MEOX2: variants seen among roughly 807,000 people sequenced by gnomAD.
MEOX2 encodes the protein homeobox protein MOX-2.
In MEOX2, 11 loss-of-function variants were observed where a neutral mutation model predicts 27.0. The ratio of observed to expected loss-of-function variants is 0.41; its 90% CI spans 0.26 to 0.68. The LOEUF is 0.68. Ranked by LOEUF, MEOX2 falls within the 30% of genes least tolerant of loss-of-function variation. MEOX2 has a pLI of 0.33. For synonymous variants in MEOX2, 189 were observed against 155.4 expected (o/e 1.22, Z -1.61); for missense variants, 436 against 385.4 (o/e 1.13, Z -1.10).
chr7:15,626,845 C>T lies in MEOX2; in HGVS notation c.591G>A (p.Glu197=), dbSNP rs756240195. The part of the protein sequence containing the change: ...PRKERTAFTK[E]QIRELEAEFA... ...ATTCTGCTTCAAGTTCTCTGATTTG[C>T]TCTTTGGTAAATGCTGTCCTTTCTT... Residue 197 remains glutamate, a synonymous_variant, in exon 2 of 3, where the codon GAG becomes GAA. Transcript: ENST00000262041. 6.8e-6 allele frequency: 11 copies of T among 1,611,620 alleles called. No homozygotes were observed. In the East Asian group the frequency reaches 2.2e-4, roughly 33 times the overall value.
chr7:15,665,721 G>C (rs964756641), intron 1 of MEOX2, among the ~76,000 whole-genome samples: 1 of 152,134 alleles, frequency 6.6e-6, no homozygotes, highest in African/African-American at 2.4e-5. Flanking sequence ...TTCAGATCAA[G>C]TGGACATCAG....
intron 1 of MEOX2, among the ~76,000 whole-genome samples, chr7:15,631,408 T>C (rs1781399250): frequency 6.6e-6 from 1 of 151,896 alleles, no homozygotes; most frequent in Non-Finnish European, 1.5e-5. Context: ...GATAGATTAT[T>C]TTTTATTATA....
intron 1 of MEOX2, among the ~76,000 whole-genome samples, chr7:15,637,671 C>T (rs1178056621): frequency 6.6e-6 from 1 of 151,988 alleles, no homozygotes; most frequent in Non-Finnish European, 1.5e-5. Flanking sequence ...ATAATTATAG[C>T]TCTATAACTT....
chr7:15,622,524 T>G (rs17168915), intron 2 of MEOX2, among the ~76,000 whole-genome samples: 8,254 of 152,192 alleles, frequency 0.054, 328 homozygotes, highest in African/African-American at 0.12. Context: ...CCTTGGTGTA[T>G]ATGTTTATTT....
intron 1 of MEOX2, among the ~76,000 whole-genome samples, chr7:15,676,653 T>C (rs779725150): frequency 1.3e-5 from 2 of 151,944 alleles, no homozygotes; most frequent in African/African-American, 2.4e-5. Flanking sequence ...GGCAGATCAC[T>C]TGAGGTAGGT....
chr7:15,686,280 G>A lies in MEOX2; in HGVS notation c.123C>T (p.Leu41=), dbSNP rs1234106461. ...GRSDHMSYPE[L]STSSSSCIIA... Reference sequence around the variant, plus strand: ...TTATGCAAGATGAGGAAGAAGTAGAGAGCTCGGGGTAAGACATATGGTCAG... The same window carrying A: ...TTATGCAAGATGAGGAAGAAGTAGAAAGCTCGGGGTAAGACATATGGTCAG... The change falls in exon 1 of 3, where the codon CTC becomes CTT. Residue 41 remains leucine, a synonymous_variant. Transcript: ENST00000262041. 2 of 1,612,690 alleles carry A rather than the reference G, an allele frequency of 1.2e-6. No homozygotes were observed.
At chr7:15,663,679 A>AT (rs2115385515) in intron 1 of MEOX2, among the ~76,000 whole-genome samples, 1 of 152,266 alleles carries the variant, frequency 6.6e-6, no homozygotes, top group South Asian at 2.1e-4. Flanking sequence ...CACTAAACTT[A>AT]TTTTTTGAAA....
At chr7:15,679,519 A>C (rs2115396649) in intron 1 of MEOX2, 1 of 152,224 alleles carries the variant, frequency 6.6e-6, no homozygotes, top group Non-Finnish European at 1.5e-5. Context: ...TGATTCTACA[A>C]AATTTTGAAG....
intron 1 of MEOX2, among the ~76,000 whole-genome samples, chr7:15,648,219 A>G (rs1781679643): frequency 6.6e-6 from 1 of 152,146 alleles, no homozygotes; most frequent in Admixed American, 6.6e-5. Flanking sequence ...TATGAACAGC[A>G]TGAATAAATA....
chr7:15,686,637 T>A lies in MEOX2; in HGVS notation c.-235A>T. 1 of 533,834 alleles carries A rather than the reference T, an allele frequency of 1.9e-6. No homozygotes were observed. Among genetic ancestry groups the A allele is most frequent in the Non-Finnish European group, 3.3e-6 (1 of 303,342 alleles). 33.1% of individuals were successfully genotyped at this position (533,834 alleles called of 1,614,324 possible). ...CCCTGAGCTACTCAGATGTCAAGAG[T>A]GGGAGAGGTTGAAGCCAAAAGAAGG... is the stretch of plus-strand genomic sequence containing the variant. On this transcript the variant is annotated 5_prime_UTR_variant, in exon 1 of 3. Transcript: ENST00000262041.
rs541272331 is a variant in MEOX2 at position 15,672,736 on chromosome 7, C to CA, written c.517+13149dup. 1.6e-4 allele frequency among the ~76,000 whole-genome samples: 24 copies of CA among 151,722 alleles called. No individual in the cohort carries two copies. The East Asian group carries it at 3.7e-3, about 23-fold the overall frequency. On this transcript the variant is annotated intron_variant, in intron 1 of 2. Transcript: ENST00000262041. ...TGAAACCCCATCTCTACTAAAAATA[C>CA]AAAAAATTAGCCGGGTATGGTGGCA...
chr7:15,613,542 T>G (rs1190121642), intron 2 of MEOX2, among the ~76,000 whole-genome samples: 1 of 152,098 alleles, frequency 6.6e-6, no homozygotes, highest in Non-Finnish European at 1.5e-5. Context: ...AAGTGTTCTT[T>G]TTACATTGTA....
chr7:15,671,864 C>T (rs1475715835), intron 1 of MEOX2, among the ~76,000 whole-genome samples: 1 of 152,044 alleles, frequency 6.6e-6, no homozygotes, highest in East Asian at 1.9e-4. Flanking sequence ...CAAGACCAGC[C>T]TGGCCAATAT....
chr7:15,666,329 G>T (rs1309919047), intron 1 of MEOX2, among the ~76,000 whole-genome samples: 1 of 152,128 alleles, frequency 6.6e-6, no homozygotes, highest in African/African-American at 2.4e-5. Flanking sequence ...TATTTAACCA[G>T]CTATGAAAAT....
At position 15,614,467 on chromosome 7, in the gene MEOX2, C is replaced by G. The variant is rs1781089932; in HGVS notation, c.691-1856G>C. Among the ~76,000 whole-genome samples, 2 of 151,842 alleles carry G rather than the reference C, an allele frequency of 1.3e-5. 1 individual carries two copies. Among genetic ancestry groups the G allele is most frequent in the Admixed American group, 1.3e-4 (2 of 15,224 alleles). The stretch of plus-strand genomic sequence containing the variant: ...ACTGAGGTACTTAATCAATGAAGTA[C>G]TGATTTTAGTATATAGTCTGAAGAA... On this transcript the variant is annotated intron_variant, in intron 2 of 2. Transcript: ENST00000262041.
At chr7:15,624,041 T>C (rs887707208) in intron 2 of MEOX2, among the ~76,000 whole-genome samples, 2 of 152,252 alleles carry the variant, frequency 1.3e-5, no homozygotes, top group East Asian at 1.9e-4. Context: ...CATTATGATA[T>C]ACAAATCTAC....
chr7:15,646,078 TGTG>T (rs1217508193), intron 1 of MEOX2, among the ~76,000 whole-genome samples: 1 of 152,074 alleles, frequency 6.6e-6, no homozygotes, highest in Non-Finnish European at 1.5e-5. Flanking sequence ...CCCTATATTT[TGTG>T]GTGGTAGCTA....
At chr7:15,661,326 G>A (rs1781913334) in intron 1 of MEOX2, among the ~76,000 whole-genome samples, 2 of 152,056 alleles carry the variant, frequency 1.3e-5, no homozygotes, top group Non-Finnish European at 2.9e-5. Flanking sequence ...TTTTCTTAGC[G>A]CTAAGCTAAT....
intron 1 of MEOX2, among the ~76,000 whole-genome samples, chr7:15,674,628 A>C (rs1782163415): frequency 2.0e-5 from 3 of 151,986 alleles, no homozygotes; most frequent in Non-Finnish European, 1.5e-5. Context: ...AAAGGAAAAA[A>C]GTTATGGAAT....
Sources: gnomAD v4.1 joint callset for allele counts (sites outside exome capture counted in the v4.1 genomes callset) on GRCh38, gnomAD v4.1.1 for gene constraint, MANE v1.5 for transcripts, NCBI Gene and HGNC (gene_info 2026-07-23, HGNC 2026-07-21) for gene names.